NEK4: variants seen among roughly 807,000 people sequenced by gnomAD.
NEK4 encodes the protein NIMA related kinase 4.
NEK4 carries 86 observed loss-of-function variants against 98.4 expected under a neutral mutation model. That is an observed-to-expected ratio of 0.87 (90% CI 0.73 to 1.05). The LOEUF is 1.05. Among genes scored for constraint, NEK4 ranks in the 50% least tolerant of loss-of-function variants. NEK4 has a pLI of 0.00. For missense variants in NEK4, 898 were observed against 950.3 expected (o/e 0.94, Z 0.72); for synonymous variants, 328 against 342.2 (o/e 0.96, Z 0.46).
intron 6 of NEK4, chr3:52,754,007 T>C (rs2097410302): frequency 3.8e-6 from 1 of 262,440 alleles, no homozygotes; most frequent in African/African-American, 2.3e-5. Flanking sequence ...TAACCAAAAA[T>C]ATAACAATTT....
At chr3:52,742,973 C>G (rs915853546) in intron 12 of NEK4, among the ~76,000 whole-genome samples, 10 of 151,864 alleles carry the variant, frequency 6.6e-5, no homozygotes, top group African/African-American at 2.4e-4. Flanking sequence ...TTCTTAGAGA[C>G]AGGGTCCAAC....
At chr3:52,755,713 AAT>A (rs1389547884) in intron 6 of NEK4, among the ~76,000 whole-genome samples, 8 of 152,078 alleles carry the variant, frequency 5.3e-5, no homozygotes, top group Non-Finnish European at 8.8e-5. Context: ...GGAAAAAAAA[AAT>A]AAAAGGCATC....
intron 15 of NEK4, among the ~76,000 whole-genome samples, chr3:52,715,392 T>G (rs2097354231): frequency 6.6e-6 from 1 of 152,166 alleles, no homozygotes; most frequent in Admixed American, 6.6e-5. Context: ...TGAGCTGTTC[T>G]CTCTCTTTTT....
chr3:52,736,503 G>A (rs780331286), intron 15 of NEK4, among the ~76,000 whole-genome samples: 3 of 151,668 alleles, frequency 2.0e-5, no homozygotes, highest in Admixed American at 6.6e-5. Context: ...GGAGAATGGC[G>A]TGAACCAGGG....
chr3:52,751,783 C>T lies in NEK4; in HGVS notation c.1368+149G>A, dbSNP rs2097405512. The T allele has an allele frequency of 5.1e-6, 4 of 778,448 alleles. No individual in the cohort carries two copies. The South Asian group carries it at 5.6e-5, about 11-fold the overall frequency. 48.2% of individuals were successfully genotyped at this position (778,448 alleles called of 1,614,324 possible). A position where few individuals can be genotyped will look rare whatever the true frequency, so the allele number is the denominator to read the frequency against. ...GTGACTGTTATAGGGTACTGGGTTT[C>T]TTTTTGGTTTGATGCAAATATTCTT... On this transcript the variant is annotated intron_variant, in intron 7 of 15. Coordinates refer to ENST00000233027, the MANE Select transcript of NEK4 (RefSeq NM_003157.6).
At position 52,747,698 on chromosome 3, in the gene NEK4, A is replaced by G. The variant is rs941021354; in HGVS notation, c.1507-794T>C. ...GGTAGCCCACACCTGTAATCCCAAC[A>G]CTCTGGGAAGCCAAGTCAGGAAGAC... On this transcript the variant is annotated intron_variant, in intron 8 of 15. Coordinates refer to ENST00000233027, the MANE Select transcript of NEK4 (RefSeq NM_003157.6). Among the ~76,000 whole-genome samples the G allele has an allele frequency of 2.6e-5, 4 of 151,110 alleles. No individual in the cohort carries two copies. The Admixed American group carries it at 2.7e-4, about 10-fold the overall frequency.
chr3:52,718,948 G>T (rs1029657912), intron 15 of NEK4, among the ~76,000 whole-genome samples: 1 of 152,102 alleles, frequency 6.6e-6, no homozygotes, highest in Admixed American at 6.5e-5. Context: ...GTAGACACAG[G>T]GTTTCTCCAT....
At chr3:52,743,331 T>C in intron 12 of NEK4, 21 bp downstream of exon 12, 1 of 1,586,320 alleles carries the variant, frequency 6.3e-7, no homozygotes, top group Non-Finnish European at 8.7e-7. Context: ...CCACCTTCTC[T>C]CTTAGGAGTA....
chr3:52,743,572 C>T, intron 11 of NEK4, 111 bp from the exon 12 acceptor site: 1 of 732,262 alleles, frequency 1.4e-6, no homozygotes, highest in Non-Finnish European at 2.4e-6. Context: ...AAAAGTAAGT[C>T]AAACAGCATA....
At chr3:52,760,574 T>A (rs1041652389) in intron 6 of NEK4, among the ~76,000 whole-genome samples, 1 of 152,268 alleles carries the variant, frequency 6.6e-6, no homozygotes, top group Non-Finnish European at 1.5e-5. Flanking sequence ...TAAAAAATTC[T>A]TAAAGTTATT....
At chr3:52,750,075 G>A (rs1046030507) in intron 7 of NEK4, among the ~76,000 whole-genome samples, 2 of 152,156 alleles carry the variant, frequency 1.3e-5, no homozygotes, top group African/African-American at 4.8e-5. Flanking sequence ...GTTACCATAT[G>A]ACCCAGGAAT....
At chr3:52,742,496 A>G (rs72960259) in intron 12 of NEK4, among the ~76,000 whole-genome samples, 4,578 of 152,322 alleles carry the variant, frequency 0.03, 241 homozygotes, top group African/African-American at 0.1. Flanking sequence ...TGATATAGTT[A>G]AAGAAATAAT....
intron 8 of NEK4, 46 bp from the exon 9 acceptor site, chr3:52,746,950 T>C (rs934536970): frequency 7.1e-7 from 1 of 1,415,952 alleles, no homozygotes; most frequent in Admixed American, 1.9e-5. Context: ...AGCAACCTGG[T>C]ACATTGTAAT....
Position 52,741,495 on chromosome 3 carries a change from C to T in NEK4, c.2009G>A (p.Arg670Lys). 1 of 1,592,004 alleles carries T rather than the reference C, an allele frequency of 6.3e-7. No homozygotes were observed. Among genetic ancestry groups the T allele is most frequent in the Non-Finnish European group, 8.6e-7 (1 of 1,160,408 alleles). Residue 670 changes from arginine to lysine, a missense_variant, in exon 13 of 16, where the codon AGG becomes AAG. Arg to Lys is a conservative substitution (Grantham distance 26). Coordinates refer to ENST00000233027, the MANE Select transcript of NEK4 (RefSeq NM_003157.6). ...CTCAGACAGACAATGAATCTGTTTC[C>T]TTTCCTATTAAATGTTTGGAAGAAT... ...LSSDCSVTQE[R>K]KQIHCLSEDE...
rs772792374 is a variant in NEK4, at chr3:52,768,490, C to A, written c.208G>T (p.Glu70Ter). The A allele has an allele frequency of 1.1e-5, 17 of 1,614,126 alleles. No homozygotes were observed. In the Admixed American group the frequency reaches 2.0e-4, roughly 19 times the overall value. ...AGACCATCTCCTCCTTCCCATGACT[C>A]CTTGTAGGTGACAATGTTGGGATGC... ...LKHPNIVTYK[E>*]SWEGGDGLLY... The change falls in exon 2 of 16, where the codon GAG becomes TAG. Residue 70 changes from glutamate (E) to a stop codon, truncating the protein, a stop_gained. Coordinates refer to ENST00000233027, the MANE Select transcript of NEK4 (RefSeq NM_003157.6). LOFTEE classifies it high-confidence loss of function.
At chr3:52,738,688 C>G (rs2097380541) in intron 14 of NEK4, among the ~76,000 whole-genome samples, 1 of 152,090 alleles carries the variant, frequency 6.6e-6, no homozygotes, top group African/African-American at 2.4e-5. Flanking sequence ...TGGACTCAAG[C>G]AATCTGCCCT....
chr3:52,729,240 AC>A (rs911202882), intron 15 of NEK4, among the ~76,000 whole-genome samples: 4 of 151,806 alleles, frequency 2.6e-5, no homozygotes, highest in Non-Finnish European at 4.4e-5. Context: ...ATGTGATGTC[AC>A]CCCCAGAGGC....
chr3:52,748,984 G>C (rs1286440006), intron 8 of NEK4, among the ~76,000 whole-genome samples: 2 of 152,078 alleles, frequency 1.3e-5, no homozygotes, highest in Non-Finnish European at 2.9e-5. Context: ...CTACTCGAGA[G>C]GGTAAGATTG....
chr3:52,749,987 A>G (rs965401819), intron 7 of NEK4, among the ~76,000 whole-genome samples, 158 bp from the exon 8 acceptor site: 1 of 152,232 alleles, frequency 6.6e-6, no homozygotes, highest in African/African-American at 2.4e-5. Context: ...GAACCCTCAT[A>G]TATTGCTGGC....
Sources: allele counts gnomAD v4.1 joint callset (sites outside exome capture counted in the v4.1 genomes callset), GRCh38; gene constraint gnomAD v4.1.1; transcripts MANE v1.5; gene names NCBI Gene and HGNC (gene_info 2026-07-23, HGNC 2026-07-21).